Variants in CMIP observed in about 807,000 individuals in gnomAD.
CMIP encodes C-Maf-inducing protein.
CMIP carries 13 observed loss-of-function variants against 97.3 expected under a neutral mutation model. That is an observed-to-expected ratio of 0.13 (90% CI 0.09 to 0.21). The LOEUF (loss-of-function observed/expected upper bound fraction) is 0.21, where lower values mean the gene tolerates loss of function less well. Among genes scored for constraint, CMIP ranks in the 10% least tolerant of loss-of-function variants. CMIP has a pLI of 1.00. For missense variants in CMIP, 847 were observed against 1,024.9 expected, an observed-to-expected ratio of 0.83 and a Z score of 2.37; for synonymous variants, 538 against 436.3, an observed-to-expected ratio of 1.23 and a Z score of -2.91.
chr16:81,573,944 A>G (rs4316746), intron 1 of CMIP, among the ~76,000 whole-genome samples: 96,065 of 151,758 alleles, frequency 0.63, 30,570 homozygotes, highest in Non-Finnish European at 0.65. Flanking sequence ...TCCATTTTCT[A>G]CCAACTTTTG....
intron 3 of CMIP, among the ~76,000 whole-genome samples, chr16:81,638,663 T>G (rs1470354686): frequency 2.0e-5 from 3 of 151,910 alleles, no homozygotes; most frequent in Non-Finnish European, 4.4e-5. Context: ...TGAGAATGTT[T>G]TCCCCTCTTT....
At chr16:81,451,854 G>A (rs1389787123) in intron 1 of CMIP, among the ~76,000 whole-genome samples, 1 of 152,234 alleles carries the variant, frequency 6.6e-6, no homozygotes, top group Non-Finnish European at 1.5e-5. Context: ...GCCCCATGGT[G>A]GAGGAAGAGA....
At chr16:81,591,948 C>T (rs1394270468) in intron 1 of CMIP, among the ~76,000 whole-genome samples, 1 of 151,758 alleles carries the variant, frequency 6.6e-6, no homozygotes, top group African/African-American at 2.4e-5. Flanking sequence ...CTCAGCCTCC[C>T]AGGTAGCTGG....
chr16:81,673,328 C>A (rs1030912048), intron 9 of CMIP, among the ~76,000 whole-genome samples: 4 of 151,938 alleles, frequency 2.6e-5, no homozygotes, highest in African/African-American at 9.7e-5. Flanking sequence ...CCAGCCTGGC[C>A]AACATAGTGA....
chr16:81,588,376 C>T (rs1160644651), intron 1 of CMIP, among the ~76,000 whole-genome samples: 1 of 152,140 alleles, frequency 6.6e-6, no homozygotes, highest in Non-Finnish European at 1.5e-5. Flanking sequence ...TTGTCCCTTC[C>T]AGTTGATTCT....
intron 1 of CMIP, among the ~76,000 whole-genome samples, chr16:81,466,101 C>A (rs1383227783): frequency 6.6e-6 from 1 of 152,054 alleles, no homozygotes; most frequent in Non-Finnish European, 1.5e-5. Context: ...CGCCCTGTCA[C>A]CTAGGCTAGA....
At chr16:81,562,232 G>A (rs2090896867) in intron 1 of CMIP, among the ~76,000 whole-genome samples, 1 of 152,170 alleles carries the variant, frequency 6.6e-6, no homozygotes, top group Admixed American at 6.5e-5. Flanking sequence ...GGATCTCCTG[G>A]GACCCTCAGC....
chr16:81,650,287 C>T (rs1342425582), intron 3 of CMIP, among the ~76,000 whole-genome samples: 6 of 152,210 alleles, frequency 3.9e-5, no homozygotes, highest in Non-Finnish European at 7.3e-5. Flanking sequence ...CTCCTCTGCT[C>T]TGCTGGGCCT....
rs560334632 is a variant in CMIP, at chr16:81,562,718, A to C, written c.301-44849A>C. On this transcript the variant is annotated intron_variant, in intron 1 of 20. Coordinates refer to ENST00000537098, the MANE Select transcript of CMIP (RefSeq NM_198390.3). ...ACTCATCTGTCCAGTGCCAGATGGC[A>C]CAGAGCCAGCACCGAAGGGCTCCAA... Among the ~76,000 whole-genome samples, 4 of 152,370 alleles carry C rather than the reference A, an allele frequency of 2.6e-5. No homozygotes were observed. In the South Asian group the frequency reaches 8.3e-4, roughly 32 times the overall value.
intron 1 of CMIP, among the ~76,000 whole-genome samples, chr16:81,491,815 A>C (rs1001936340): frequency 1.3e-5 from 2 of 152,198 alleles, no homozygotes; most frequent in African/African-American, 4.8e-5. Flanking sequence ...GTCTTGGCCC[A>C]TCTGTACACA....
intron 12 of CMIP, 83 bp downstream of exon 12, chr16:81,693,267 C>A: frequency 7.0e-7 from 1 of 1,432,480 alleles, no homozygotes; most frequent in Non-Finnish European, 9.7e-7. Flanking sequence ...CCCATGCATT[C>A]TGGGAGGCAG....
chr16:81,633,151 T>A (rs1381407067), intron 3 of CMIP, among the ~76,000 whole-genome samples: 11 of 152,266 alleles, frequency 7.2e-5, no homozygotes, highest in Non-Finnish European at 1.5e-4. Flanking sequence ...TTTCTCGCCC[T>A]TTAAAGACAA....
intron 1 of CMIP, among the ~76,000 whole-genome samples, chr16:81,562,877 G>A (rs1471464571): frequency 1.3e-5 from 2 of 152,210 alleles, no homozygotes; most frequent in African/African-American, 4.8e-5. Flanking sequence ...GGCAGGATTT[G>A]AACTCAGGGC....
rs1907160413 is a variant in CMIP at position 81,699,611 on chromosome 16, T to C, written c.1639-74T>C. On this transcript the variant is annotated intron_variant, in intron 14 of 20. Transcript: ENST00000537098. ...CAGGTCTGTTCAACGGCTCTTGGGC[T>C]CACTTCCTGCCAGCACGCTGGAGGC... 3 of 958,148 alleles carry C rather than the reference T, an allele frequency of 3.1e-6. No individual in the cohort carries two copies. The South Asian group carries it at 4.2e-5, about 13-fold the overall frequency. 59.4% of individuals were successfully genotyped at this position (958,148 alleles called of 1,614,324 possible).
intron 1 of CMIP, among the ~76,000 whole-genome samples, chr16:81,607,340 G>A (rs2091760668): frequency 6.6e-6 from 1 of 152,184 alleles, no homozygotes; most frequent in Admixed American, 6.5e-5. Flanking sequence ...TCCTAACTCT[G>A]CACCTCCAAA....
intron 1 of CMIP, among the ~76,000 whole-genome samples, chr16:81,529,278 A>G (rs1009870332): frequency 6.6e-6 from 1 of 151,926 alleles, no homozygotes; most frequent in Non-Finnish European, 1.5e-5. Flanking sequence ...GAGGGTAAAG[A>G]GAGAGATTGG....
At chr16:81,451,944 G>A (rs1906242564) in intron 1 of CMIP, among the ~76,000 whole-genome samples, 1 of 152,220 alleles carries the variant, frequency 6.6e-6, no homozygotes, top group African/African-American at 2.4e-5. Flanking sequence ...GAGGGAGACT[G>A]TGCGCATTTT....
At chr16:81,661,037 A>G in intron 6 of CMIP, 91 bp downstream of exon 6, 1 of 1,508,200 alleles carries the variant, frequency 6.6e-7, no homozygotes, top group Admixed American at 1.7e-5. Flanking sequence ...AAAGGCCAAA[A>G]ACCTGGGCCC....
At chr16:81,605,797 T>C (rs889635940) in intron 1 of CMIP, among the ~76,000 whole-genome samples, 2 of 152,266 alleles carry the variant, frequency 1.3e-5, no homozygotes, top group Admixed American at 6.5e-5. Context: ...TTGTTTGTTG[T>C]CTGTTTGCCC....
Sources: gnomAD v4.1 joint callset for allele counts (sites outside exome capture counted in the v4.1 genomes callset) on GRCh38, gnomAD v4.1.1 for gene constraint, MANE v1.5 for transcripts, NCBI Gene and HGNC (gene_info 2026-07-23, HGNC 2026-07-21) for gene names.